The following NOTCH2 variants were observed in gnomAD, a reference collection of about 807,000 sequenced individuals.
NOTCH2 encodes notch receptor 2.
In NOTCH2, 29 loss-of-function variants were observed where a neutral mutation model predicts 235.8. The ratio of observed to expected loss-of-function variants is 0.12; its 90% confidence interval spans 0.09 to 0.17. The LOEUF is 0.17. NOTCH2 is among the 10% of genes least tolerant of loss of function. The pLI, the probability that NOTCH2 is intolerant of heterozygous loss-of-function variation, is 1.00. For synonymous variants in NOTCH2, 1,086 were observed against 1,141.5 expected, an observed-to-expected ratio of 0.95 and a Z score of 0.98; for missense variants, 2,285 against 3,150.2, an observed-to-expected ratio of 0.73 and a Z score of 6.57.
In NOTCH2 at chr1:119,937,538, C is replaced by A. The variant is rs954227387; in HGVS notation, c.3338-72G>T. 3.0e-5 allele frequency: 42 copies of A among 1,421,850 alleles called. No homozygotes were observed. In the Admixed American group the frequency reaches 7.7e-4, roughly 26 times the overall value. 88.1% of individuals were successfully genotyped at this position (1,421,850 alleles called of 1,614,324 possible). On this transcript the variant is annotated intron_variant, in intron 20 of 33. Coordinates refer to ENST00000256646, the MANE Select transcript of NOTCH2 (RefSeq NM_024408.4). ...CATGGGGTTCAAATCAACCAATGAGCAAGTAAATCTAAACTGGCTGACACA... is the reference window on the plus strand; with the variant it reads ...CATGGGGTTCAAATCAACCAATGAGAAAGTAAATCTAAACTGGCTGACACA...
chr1:119,968,264 A>C, intron 6 of NOTCH2, 32 bp from the exon 7 acceptor site: 1 of 1,610,326 alleles, frequency 6.2e-7, no homozygotes, highest in East Asian at 2.2e-5. Flanking sequence ...GACAACTAAG[A>C]GAAAATGTCT....
chr1:120,033,857 T>G (rs1381969255), intron 1 of NOTCH2, among the ~76,000 whole-genome samples: 1 of 152,148 alleles, frequency 6.6e-6, no homozygotes, highest in African/African-American at 2.4e-5. Flanking sequence ...TACATTGTAT[T>G]AGCAAATTAT....
chr1:119,968,693 C>T (rs587776272), intron 6 of NOTCH2, among the ~76,000 whole-genome samples: 1 of 152,336 alleles, frequency 6.6e-6, no homozygotes, highest in South Asian at 2.1e-4. Flanking sequence ...CATGGGGCCA[C>T]CTGAACACCA....
chr1:119,920,961 C>A (rs1363490624), intron 29 of NOTCH2, among the ~76,000 whole-genome samples: 2 of 152,194 alleles, frequency 1.3e-5, no homozygotes, highest in Non-Finnish European at 2.9e-5. Context: ...ATACCTAGTA[C>A]ATGACAGGAA....
chr1:119,935,566 T>C lies in NOTCH2; in HGVS notation c.3561A>G (p.Glu1187=), dbSNP rs1553195636. 1.4e-5 allele frequency: 23 copies of C among 1,614,028 alleles called. No individual in the cohort carries two copies. The highest frequency in any genetic ancestry group is 1.9e-5 in the Non-Finnish European group (22 of 1,180,030). The stretch of plus-strand genomic sequence containing the variant: ...AGGGCTGATTCTGGCACTCATCCAC[T>C]TCATACTCACAGTTGACACCCTGAT... ...PGYQGVNCEY[E]VDECQNQPCQ... is the part of the protein sequence containing the mutation. Residue 1187 remains glutamate (E), a synonymous_variant, in exon 22 of 34, where the codon GAA becomes GAG. Transcript: ENST00000256646.
intron 5 of NOTCH2, among the ~76,000 whole-genome samples, chr1:119,979,410 A>G (rs947208428): frequency 6.6e-6 from 1 of 152,232 alleles, no homozygotes; most frequent in Non-Finnish European, 1.5e-5. Flanking sequence ...TAGTAACCAG[A>G]AGACACAAAG....
Position 119,913,637 on chromosome 1 carries a change from G to T in NOTCH2, c.*1669C>A. 1 of 233,276 alleles carries T rather than the reference G, an allele frequency of 4.3e-6. No individual in the cohort carries two copies. The highest frequency in any genetic ancestry group is 1.8e-4 in the South Asian group (1 of 5,532). 14.5% of individuals were successfully genotyped at this position (233,276 alleles called of 1,614,324 possible). A position where few individuals can be genotyped will look rare whatever the true frequency, so the allele number is the denominator to read the frequency against. The stretch of plus-strand genomic sequence containing the variant: ...CTTCTGCCCTTAAAAGAAAGTCAAA[G>T]AAATTGCCAAGAGCATGAATACAGA... On this transcript the variant is annotated 3_prime_UTR_variant, in exon 34 of 34. Coordinates refer to ENST00000256646, the MANE Select transcript of NOTCH2 (RefSeq NM_024408.4).
intron 2 of NOTCH2, among the ~76,000 whole-genome samples, chr1:120,029,008 A>T (rs1653984258): frequency 6.6e-6 from 1 of 151,454 alleles, no homozygotes; most frequent in Non-Finnish European, 1.5e-5. Flanking sequence ...ATGGTTGGAG[A>T]AAAAGGAAAA....
chr1:119,913,641 T>C lies in NOTCH2; in HGVS notation c.*1665A>G, dbSNP rs587681045. ...TGCCCTTAAAAGAAAGTCAAAGAAA[T>C]TGCCAAGAGCATGAATACAGAGAGT... is the stretch of plus-strand genomic sequence containing the variant. On this transcript the variant is annotated 3_prime_UTR_variant, in exon 34 of 34. Transcript: ENST00000256646. The C allele has an allele frequency of 2.6e-5, 6 of 233,206 alleles. No homozygotes were observed. In the East Asian group the frequency reaches 3.0e-4, roughly 12 times the overall value. The allele number at this position is 233,206 out of a possible 1,614,324, so 14.4% of individuals were successfully genotyped here. A position where few individuals can be genotyped will look rare whatever the true frequency, so the allele number is the denominator to read the frequency against.
At chr1:119,927,370 C>A (rs1649510376) in intron 23 of NOTCH2, among the ~76,000 whole-genome samples, 1 of 152,098 alleles carries the variant, frequency 6.6e-6, no homozygotes, top group South Asian at 2.1e-4. Flanking sequence ...CGAGATCAAG[C>A]AGCAAGAGGT....
In NOTCH2 at chr1:119,925,478, A is replaced by T; in HGVS notation, c.4338T>A (p.His1446Gln). 1 of 1,614,184 alleles carries T rather than the reference A, an allele frequency of 6.2e-7. No individual in the cohort carries two copies. Among genetic ancestry groups the T allele is most frequent in the Non-Finnish European group, 8.5e-7 (1 of 1,180,026 alleles). The change falls in exon 25 of 34, where the codon CAT (histidine) becomes CAA (glutamine). Residue 1446 changes from histidine (H) to glutamine (Q), a missense_variant. His to Gln is a conservative substitution (Grantham distance 24). Around this residue, in one of 6 missense-constraint regions of NOTCH2, gnomAD observed 1,173 missense variants for 1,515.3 expected, o/e 0.77. Coordinates refer to ENST00000256646, the MANE Select transcript of NOTCH2 (RefSeq NM_024408.4). ...DGVCDEACNS[H>Q]ACQWDGGDCS... is the part of the protein sequence containing the mutation. ...AGTCACCCCCATCCCACTGGCAGGC[A>T]TGGCTGTTGCAGGCCTCATCACAGA...
At chr1:120,040,861 C>T (rs587735102) in intron 1 of NOTCH2, among the ~76,000 whole-genome samples, 1 of 149,700 alleles carries the variant, frequency 6.7e-6, no homozygotes, top group East Asian at 1.9e-4. Flanking sequence ...CACGGTGAAA[C>T]CACATCTCTA....
At chr1:120,038,153 T>C (rs1167420722) in intron 1 of NOTCH2, among the ~76,000 whole-genome samples, 1 of 152,190 alleles carries the variant, frequency 6.6e-6, no homozygotes, top group Admixed American at 6.5e-5. Context: ...AAAAATTCAA[T>C]TTATGCATGG....
Position 119,918,432 on chromosome 1 carries a change from G to A in NOTCH2, c.5903C>T (p.Ala1968Val), listed in dbSNP as rs930621137. The change falls in exon 32 of 34, where the codon GCG (alanine) becomes GTG (valine). Residue 1968 changes from alanine (A) to valine (V), a missense_variant. This residue lies in a region of NOTCH2 where 128 missense variants were observed against 255.9 expected (regional missense o/e 0.50). Transcript: ENST00000256646. The part of the protein sequence containing the change: ...GMVAELINCQ[A>V]DVNAVDDHGK... Reference sequence around the variant, plus strand: ...ATGGTCATCCACTGCATTCACATCCGCTTGGCAGTTGATCAGTTCTGCCAC... The same window carrying A: ...ATGGTCATCCACTGCATTCACATCCACTTGGCAGTTGATCAGTTCTGCCAC... The A allele has an allele frequency of 2.1e-5, 34 of 1,613,990 alleles. No homozygotes were observed. Among genetic ancestry groups the A allele is most frequent in the East Asian group, 8.9e-5 (4 of 44,892 alleles).
chr1:119,916,519 G>T lies in NOTCH2; in HGVS notation c.6203C>A (p.Thr2068Asn). 1.9e-6 allele frequency: 3 copies of T among 1,612,896 alleles called. No individual in the cohort carries two copies. Among genetic ancestry groups the T allele is most frequent in the Non-Finnish European group, 2.5e-6 (3 of 1,178,890 alleles). The change falls in exon 34 of 34, where the codon ACC (threonine) becomes AAC (asparagine). Residue 2068 changes from threonine (T) to asparagine (N), a missense_variant. Thr to Asn is a moderately conservative substitution (Grantham distance 65). Around this residue, in one of 6 missense-constraint regions of NOTCH2, gnomAD observed 504 missense variants for 538.0 expected, o/e 0.94. Transcript: ENST00000256646. ...IVRLLDEYNVTPSPPGTVLTS... is the reference protein window; with the variant it reads ...IVRLLDEYNVNPSPPGTVLTS... ...CAACACGGTGCCTGGAGGGCTTGGG[G>T]TCACATTGTATTCATCCAGAAGGCG...
chr1:119,927,177 GAA>G (rs893743803), intron 23 of NOTCH2, among the ~76,000 whole-genome samples: 14 of 152,056 alleles, frequency 9.2e-5, no homozygotes, highest in Non-Finnish European at 1.8e-4. Flanking sequence ...TTCTAAAACG[GAA>G]GGCCCCTGGG....
At chr1:120,051,230 C>CAA (rs1553214353) in intron 1 of NOTCH2, among the ~76,000 whole-genome samples, 2 of 102,274 alleles carry the variant, frequency 2.0e-5, no homozygotes, top group Non-Finnish European at 3.5e-5. Flanking sequence ...CTCCTCCCAA[C>CAA]ACACACACAC....
intron 21 of NOTCH2, among the ~76,000 whole-genome samples, chr1:119,936,432 T>G (rs1178999399): frequency 6.6e-6 from 1 of 152,206 alleles, no homozygotes; most frequent in East Asian, 1.9e-4. Flanking sequence ...TAGCAGATTT[T>G]GGCTGCAGTT....
chr1:119,988,778 C>T (rs1652116606), intron 4 of NOTCH2, among the ~76,000 whole-genome samples: 2 of 152,140 alleles, frequency 1.3e-5, no homozygotes, highest in South Asian at 2.1e-4. Flanking sequence ...ATCATCCTCC[C>T]CTAACTCGAT....
Sources: gnomAD v4.1 joint callset for allele counts (sites outside exome capture counted in the v4.1 genomes callset) on GRCh38, gnomAD v4.1.1 for gene constraint, gnomAD v4.1.1 regional missense constraint, MANE v1.5 for transcripts, NCBI Gene and HGNC (gene_info 2026-07-23, HGNC 2026-07-21) for gene names.